The following AMOTL1 variants were observed in gnomAD, a reference collection of about 807,000 sequenced individuals.
The protein encoded by AMOTL1 is angiomotin like 1.
Under a neutral mutation model 102.9 loss-of-function variants are expected in AMOTL1, and 45 were observed. The ratio of observed to expected loss-of-function variants is 0.44; its 90% CI spans 0.34 to 0.56. AMOTL1 has a LOEUF of 0.56. Among genes scored for constraint, AMOTL1 ranks in the 20% least tolerant of loss-of-function variants. The pLI is 0.01. For synonymous variants in AMOTL1, 481 were observed against 484.7 expected (o/e 0.99, Z 0.10); for missense variants, 1,114 against 1,225.6 (o/e 0.91, Z 1.36).
At chr11:94,730,203 A>G (rs1211437248) in intron 2 of AMOTL1, among the ~76,000 whole-genome samples, 1 of 151,918 alleles carries the variant, frequency 6.6e-6, no homozygotes, top group Non-Finnish European at 1.5e-5. Context: ...TCCAGATCTG[A>G]CCTCTGCCTG....
At chr11:94,717,438 A>G (rs1411458909) in intron 1 of AMOTL1, among the ~76,000 whole-genome samples, 4 of 151,138 alleles carry the variant, frequency 2.6e-5, no homozygotes, top group Admixed American at 6.6e-5. Flanking sequence ...GGGAAAAAAT[A>G]AAGAGTCCAG....
chr11:94,839,000 G>C (rs1952240661), intron 6 of AMOTL1, among the ~76,000 whole-genome samples: 1 of 152,200 alleles, frequency 6.6e-6, no homozygotes, highest in Admixed American at 6.5e-5. Context: ...GGATCCTACT[G>C]TGAAATGAGG....
intron 8 of AMOTL1, 95 bp from the exon 9 acceptor site, chr11:94,859,430 C>A: frequency 8.2e-7 from 1 of 1,221,762 alleles, no homozygotes; most frequent in Non-Finnish European, 1.1e-6. Context: ...TGAATTGCTG[C>A]AGGATCTGGG....
intron 7 of AMOTL1, among the ~76,000 whole-genome samples, chr11:94,853,457 T>C (rs1952590127): frequency 6.6e-6 from 1 of 152,220 alleles, no homozygotes; most frequent in African/African-American, 2.4e-5. Flanking sequence ...GCTTCATCCA[T>C]GTCCCTACAG....
intron 3 of AMOTL1, among the ~76,000 whole-genome samples, chr11:94,821,057 C>T (rs1173984705): frequency 6.6e-6 from 1 of 152,178 alleles, no homozygotes; most frequent in African/African-American, 2.4e-5. Flanking sequence ...ACATGGAATA[C>T]TCCTTTCCCC....
rs540112386 is a variant in AMOTL1, at chr11:94,788,298, G to A, written c.50-6713G>A. 7.2e-5 allele frequency among the ~76,000 whole-genome samples: 11 copies of A among 152,330 alleles called. No individual in the cohort carries two copies. In the South Asian group the frequency reaches 2.1e-3, roughly 29 times the overall value. On this transcript the variant is annotated intron_variant, in intron 1 of 12. Transcript: ENST00000433060. ...CTAATTTATTTTCCAGCTCTAACATGTTAGGAAAATAATGTACTCATGCTT... is the reference window on the plus strand; with the variant it reads ...CTAATTTATTTTCCAGCTCTAACATATTAGGAAAATAATGTACTCATGCTT...
chr11:94,861,178 G>A (rs1952766573), intron 9 of AMOTL1, among the ~76,000 whole-genome samples: 1 of 152,216 alleles, frequency 6.6e-6, no homozygotes, highest in Admixed American at 6.5e-5. Context: ...TTGGGAGTGG[G>A]GATAGACACT....
chr11:94,816,479 G>A (rs1285843861), intron 3 of AMOTL1, among the ~76,000 whole-genome samples: 5 of 152,304 alleles, frequency 3.3e-5, no homozygotes, highest in African/African-American at 7.2e-5. Flanking sequence ...ACAGGGAATA[G>A]CAGTGGCACT....
intron 1 of AMOTL1, among the ~76,000 whole-genome samples, chr11:94,708,328 G>C (rs75511955): frequency 0.012 from 1,752 of 152,296 alleles, 36 homozygotes; most frequent in African/African-American, 0.04. Flanking sequence ...TTTAAGGAGA[G>C]AGGCCAGAAT....
At chr11:94,852,023 C>G (rs759796693) in intron 7 of AMOTL1, among the ~76,000 whole-genome samples, 3 of 152,188 alleles carry the variant, frequency 2.0e-5, no homozygotes, top group African/African-American at 7.2e-5. Flanking sequence ...CCAAAATAGG[C>G]AAATCTCTTG....
chr11:94,719,561 C>T (rs1038406634), intron 1 of AMOTL1, among the ~76,000 whole-genome samples: 6 of 111,270 alleles, frequency 5.4e-5, no homozygotes, highest in South Asian at 3.9e-4. Context: ...AAAGCCAGAG[C>T]GAAAATGTGT....
chr11:94,743,947 G>A (rs1950560656), intron 3 of AMOTL1, among the ~76,000 whole-genome samples: 1 of 152,148 alleles, frequency 6.6e-6, no homozygotes, highest in South Asian at 2.1e-4. Context: ...ACAGGCGTGA[G>A]CCACTGTGCC....
At chr11:94,801,903 C>G (rs987221133) in intron 3 of AMOTL1, among the ~76,000 whole-genome samples, 1 of 152,080 alleles carries the variant, frequency 6.6e-6, no homozygotes, top group African/African-American at 2.4e-5. Flanking sequence ...TCATGAAGGG[C>G]TTTATTATCT....
At chr11:94,782,738 C>T (rs896891741) in intron 1 of AMOTL1, among the ~76,000 whole-genome samples, 6 of 152,124 alleles carry the variant, frequency 3.9e-5, no homozygotes, top group Non-Finnish European at 8.8e-5. Flanking sequence ...TTTCTTTTGC[C>T]AACTACATAT....
chr11:94,768,532 C>G lies in AMOTL1; in HGVS notation c.21C>G (p.Arg7=). 1 of 1,602,100 alleles carries G rather than the reference C, an allele frequency of 6.2e-7. No individual in the cohort carries two copies. Among genetic ancestry groups the G allele is most frequent in the Non-Finnish European group, 8.5e-7 (1 of 1,174,810 alleles). MWRAKL[R]RGTCEPAVKG... ...GCCTCATGTGGAGGGCAAAGTTGCG[C>G]CGGGGAACTTGTGAGCCTGCGGTGA... Residue 7 remains arginine (R), a synonymous_variant, in exon 1 of 13, where the codon CGC becomes CGG. Transcript: ENST00000433060.
chr11:94,708,740 C>G (rs960372491), intron 1 of AMOTL1, among the ~76,000 whole-genome samples: 1 of 152,086 alleles, frequency 6.6e-6, no homozygotes, highest in Non-Finnish European at 1.5e-5. Flanking sequence ...TACATGCGAA[C>G]TCTCTTAAGA....
At chr11:94,813,496 C>T (rs12292559) in intron 3 of AMOTL1, among the ~76,000 whole-genome samples, 1,600 of 152,284 alleles carry the variant, frequency 0.011, 30 homozygotes, top group African/African-American at 0.036. Context: ...CCATAAGTGA[C>T]TTCACCTTGC....
chr11:94,752,204 A>C (rs1950664433), intron 3 of AMOTL1, among the ~76,000 whole-genome samples: 2 of 149,162 alleles, frequency 1.3e-5, no homozygotes, highest in Admixed American at 6.7e-5. Flanking sequence ...TCCTTTTCTC[A>C]CTCTCTTCTT....
At position 94,795,278 on chromosome 11, in the gene AMOTL1, A is replaced by T. The variant is rs1951346759; in HGVS notation, c.199+118A>T. 3.9e-6 allele frequency: 5 copies of T among 1,285,206 alleles called. No homozygotes were observed. In the African/African-American group the frequency reaches 6.0e-5, roughly 15 times the overall value. 79.6% of individuals were successfully genotyped at this position (1,285,206 alleles called of 1,614,324 possible). A position where few individuals can be genotyped will look rare whatever the true frequency, so the allele number is the denominator to read the frequency against. ...CTAATCTTGTTTTTTAAATCATCAT[A>T]TTGGATTATTGATTGTCTGTTCATA... On this transcript the variant is annotated intron_variant, in intron 2 of 12. Coordinates refer to ENST00000433060, the MANE Select transcript of AMOTL1 (RefSeq NM_130847.3).
Sources: allele counts gnomAD v4.1 joint callset (sites outside exome capture counted in the v4.1 genomes callset), GRCh38; gene constraint gnomAD v4.1.1; transcripts MANE v1.5; gene names NCBI Gene and HGNC (gene_info 2026-07-23, HGNC 2026-07-21).